DHRSX: variants seen among roughly 807,000 people sequenced by gnomAD.
DHRSX encodes the protein polyprenol dehydrogenase.
In DHRSX, 31 loss-of-function variants were observed where a neutral mutation model predicts 34.0. The observed-to-expected ratio is 0.91, with a 90% CI of 0.69 to 1.23. The LOEUF is 1.23. Among genes scored for constraint, DHRSX ranks in the 50% most tolerant of loss-of-function variants. The pLI is 0.00. For synonymous variants in DHRSX, 201 were observed against 183.8 expected (o/e 1.09, Z -0.76); for missense variants, 414 against 428.1 (o/e 0.97, Z 0.29).
chrX:2,378,297 G>A (rs1358948227), intron 3 of DHRSX, among the ~76,000 whole-genome samples: 2 of 152,212 alleles, frequency 1.3e-5, no homozygotes, highest in Non-Finnish European at 2.9e-5. Flanking sequence ...CAGCTGGTTT[G>A]TAGAATTGTG....
At chrX:2,268,817 T>G (rs2041510198) in intron 4 of DHRSX, among the ~76,000 whole-genome samples, 1 of 152,248 alleles carries the variant, frequency 6.6e-6, no homozygotes, top group South Asian at 2.1e-4. Flanking sequence ...CACACAGCAT[T>G]TGTCATTATT....
At chrX:2,419,069 A>C (rs1429599517) in intron 2 of DHRSX, among the ~76,000 whole-genome samples, 1 of 152,006 alleles carries the variant, frequency 6.6e-6, no homozygotes, top group Non-Finnish European at 1.5e-5. Context: ...TCTAAACCCA[A>C]TCCTTTTGCA....
At position 2,221,020 on chromosome X, in the gene DHRSX, C is replaced by T; in HGVS notation, c.*21G>A. The T allele has an allele frequency of 6.2e-7, 1 of 1,610,090 alleles. No homozygotes were observed. ...AGGTGCAATGTGTTTCTTGGGGCAG[C>T]AGCTATCCTGAGACAGGATATCACA... On this transcript the variant is annotated 3_prime_UTR_variant, in exon 7 of 7. Coordinates refer to ENST00000334651, the MANE Select transcript of DHRSX (RefSeq NM_145177.3).
intron 1 of DHRSX, among the ~76,000 whole-genome samples, chrX:2,453,793 T>C (rs2044258987): frequency 1.3e-5 from 2 of 149,508 alleles, no homozygotes; most frequent in African/African-American, 4.8e-5. Context: ...TGACTAAAAG[T>C]AGATTTGACA....
intron 3 of DHRSX, among the ~76,000 whole-genome samples, chrX:2,377,439 T>C (rs1009530866): frequency 1.3e-5 from 2 of 151,894 alleles, no homozygotes; most frequent in African/African-American, 2.4e-5. Flanking sequence ...CACTTCCCAA[T>C]AGGGTTCTCA....
At chrX:2,359,614 G>C (rs1448815168) in intron 3 of DHRSX, among the ~76,000 whole-genome samples, 1 of 151,958 alleles carries the variant, frequency 6.6e-6, no homozygotes, top group Non-Finnish European at 1.5e-5. Context: ...GCAGTGAGCT[G>C]AGGCAGAGGA....
intron 3 of DHRSX, among the ~76,000 whole-genome samples, chrX:2,345,321 T>C (rs1288139235): frequency 6.6e-6 from 1 of 151,984 alleles, no homozygotes; most frequent in African/African-American, 2.4e-5. Flanking sequence ...TGGGTAGGCC[T>C]GGTCTAATCA....
At chrX:2,352,484 A>G (rs140963389) in intron 3 of DHRSX, among the ~76,000 whole-genome samples, 26 of 152,242 alleles carry the variant, frequency 1.7e-4, no homozygotes, top group African/African-American at 6.0e-4. Context: ...CTGGGAGCTT[A>G]CGGGTGACTC....
At chrX:2,271,412 G>A (rs2041552674) in intron 4 of DHRSX, among the ~76,000 whole-genome samples, 1 of 152,216 alleles carries the variant, frequency 6.6e-6, no homozygotes, top group Non-Finnish European at 1.5e-5. Context: ...CCTGTGGCCT[G>A]CTGAAATCCT....
intron 1 of DHRSX, among the ~76,000 whole-genome samples, chrX:2,439,842 A>C (rs1239308441): frequency 2.0e-5 from 3 of 152,180 alleles, no homozygotes; most frequent in Non-Finnish European, 4.4e-5. Flanking sequence ...TATGGGGAGC[A>C]GCTGTCAATA....
chrX:2,354,717 C>T (rs1326316790), intron 3 of DHRSX, among the ~76,000 whole-genome samples: 1 of 152,176 alleles, frequency 6.6e-6, no homozygotes, highest in African/African-American at 2.4e-5. Context: ...GCCTCAGCCT[C>T]CCAAAGTGCT....
chrX:2,298,187 G>A (rs145166462), intron 3 of DHRSX, among the ~76,000 whole-genome samples: 1 of 152,132 alleles, frequency 6.6e-6, no homozygotes, highest in African/African-American at 2.4e-5. Flanking sequence ...CAGGAGCTGG[G>A]GGAGGCCAAA....
At chrX:2,331,029 G>C (rs2042466011) in intron 3 of DHRSX, among the ~76,000 whole-genome samples, 1 of 152,144 alleles carries the variant, frequency 6.6e-6, no homozygotes, top group Non-Finnish European at 1.5e-5. Flanking sequence ...CTCTGGAGAT[G>C]TCCAGTAATG....
intron 3 of DHRSX, among the ~76,000 whole-genome samples, chrX:2,330,810 G>A (rs756771099): frequency 6.6e-6 from 1 of 152,002 alleles, no homozygotes; most frequent in South Asian, 2.1e-4. Context: ...GAATGAAGGA[G>A]AGAATAAATG....
chrX:2,489,048 C>T (rs772087655), intron 1 of DHRSX: 40 of 1,613,650 alleles, frequency 2.5e-5, no homozygotes, highest in East Asian at 4.5e-5. Context: ...TGGTCCTCCA[C>T]GCCGCCTGTC....
chrX:2,427,918 C>T (rs1401411196), intron 1 of DHRSX, among the ~76,000 whole-genome samples: 3 of 152,012 alleles, frequency 2.0e-5, no homozygotes, highest in African/African-American at 7.3e-5. Context: ...TGGAATACTA[C>T]ACAGCCATGA....
intron 1 of DHRSX, among the ~76,000 whole-genome samples, chrX:2,469,861 G>A (rs1364566406): frequency 2.0e-5 from 3 of 152,158 alleles, no homozygotes; most frequent in Admixed American, 6.6e-5. Flanking sequence ...AAACATCAGA[G>A]GAAAGAATGG....
chrX:2,364,134 A>G (rs2042971712), intron 3 of DHRSX, among the ~76,000 whole-genome samples: 1 of 152,190 alleles, frequency 6.6e-6, no homozygotes, highest in African/African-American at 2.4e-5. Flanking sequence ...TCTTAGGTCC[A>G]GGTTACTGCC....
At chrX:2,419,198 A>G (rs1238245650) in intron 2 of DHRSX, among the ~76,000 whole-genome samples, 1 of 152,126 alleles carries the variant, frequency 6.6e-6, no homozygotes, top group African/African-American at 2.4e-5. Context: ...TTAGGTCACG[A>G]GGGTGGAGCA....
Sources: allele counts gnomAD v4.1 joint callset (sites outside exome capture counted in the v4.1 genomes callset), GRCh38; gene constraint gnomAD v4.1.1; transcripts MANE v1.5; gene names NCBI Gene and HGNC (gene_info 2026-07-23, HGNC 2026-07-21).